SLC9A2: variants seen among roughly 807,000 people sequenced by gnomAD.
SLC9A2 encodes sodium/hydrogen exchanger 2.
SLC9A2 carries 42 observed loss-of-function variants against 71.7 expected under a neutral mutation model. That is an observed-to-expected ratio of 0.59 (90% confidence interval 0.46 to 0.76). SLC9A2 has a LOEUF of 0.76. Among genes scored for constraint, SLC9A2 ranks in the 30% least tolerant of loss-of-function variants. SLC9A2 has a pLI of 0.00. For missense variants in SLC9A2, 829 were observed against 1,017.4 expected (o/e 0.81, Z 2.52); for synonymous variants, 396 against 392.5 (o/e 1.01, Z -0.10).
At chr2:102,674,327 T>C (rs912541209) in intron 3 of SLC9A2, among the ~76,000 whole-genome samples, 4 of 152,120 alleles carry the variant, frequency 2.6e-5, no homozygotes, top group African/African-American at 7.2e-5. Flanking sequence ...TGAACAAACC[T>C]CAGTTTACTT....
At chr2:102,700,693 CAGA>C (rs1223267918) in intron 7 of SLC9A2, among the ~76,000 whole-genome samples, 1 of 151,940 alleles carries the variant, frequency 6.6e-6, no homozygotes, top group Non-Finnish European at 1.5e-5. Context: ...TCGCTAAAAG[CAGA>C]AGTAGAGAAA....
At chr2:102,661,710 A>G (rs1355751986) in intron 2 of SLC9A2, among the ~76,000 whole-genome samples, 2 of 152,204 alleles carry the variant, frequency 1.3e-5, no homozygotes, top group African/African-American at 2.4e-5. Context: ...GATTATTTGA[A>G]AGATTTCAAA....
At chr2:102,655,372 T>G (rs963835582) in intron 1 of SLC9A2, among the ~76,000 whole-genome samples, 2 of 152,180 alleles carry the variant, frequency 1.3e-5, no homozygotes, top group African/African-American at 4.8e-5. Context: ...CAAGCTGGTC[T>G]CAAACTTCTG....
chr2:102,644,089 A>G (rs1676665621), intron 1 of SLC9A2, among the ~76,000 whole-genome samples: 1 of 152,024 alleles, frequency 6.6e-6, no homozygotes, highest in African/African-American at 2.4e-5. Flanking sequence ...AGCAAGTCCA[A>G]TGCAGAAGGC....
chr2:102,665,078 G>A (rs777257471), intron 2 of SLC9A2, 22 bp from the exon 3 acceptor site: 44 of 1,592,088 alleles, frequency 2.8e-5, no homozygotes, highest in Admixed American at 5.3e-5. Flanking sequence ...GTCTTGACAA[G>A]GTGTTTTTTT....
At chr2:102,659,440 C>CAATAAT (rs760045785) in intron 2 of SLC9A2, among the ~76,000 whole-genome samples, 3 of 151,588 alleles carry the variant, frequency 2.0e-5, no homozygotes, top group South Asian at 2.1e-4. Context: ...GACTCCATCT[C>CAATAAT]AATAATAATA....
intron 5 of SLC9A2, among the ~76,000 whole-genome samples, chr2:102,689,989 C>A (rs188028278): frequency 2.0e-4 from 30 of 152,010 alleles, no homozygotes; most frequent in African/African-American, 7.0e-4. Flanking sequence ...GGGGAGAAGC[C>A]AGAGTGGGAG....
In SLC9A2 at chr2:102,708,444, G is replaced by C. The variant is rs1216068801; in HGVS notation, c.2394G>C (p.Ser798=). The part of the protein sequence containing the change: ...KPPPRLVWRA[S]EPGSRKARFG... The stretch of plus-strand genomic sequence containing the variant: ...CACCACGGCTGGTCTGGAGGGCATC[G>C]GAACCTGGAAGCCGGAAAGCCCGAT... Residue 798 remains serine (S), a synonymous_variant, in exon 12 of 12, where the codon TCG becomes TCC. Transcript: ENST00000233969. 3 of 1,614,134 alleles carry C rather than the reference G, an allele frequency of 1.9e-6. No individual in the cohort carries two copies. Among genetic ancestry groups the C allele is most frequent in the African/African-American group, 1.3e-5 (1 of 75,038 alleles).
chr2:102,653,818 G>A (rs1442263760), intron 1 of SLC9A2, among the ~76,000 whole-genome samples: 1 of 152,192 alleles, frequency 6.6e-6, no homozygotes, highest in Non-Finnish European at 1.5e-5. Flanking sequence ...TATGGCTTCT[G>A]TGCATTTCTT....
At chr2:102,698,086 C>T (rs1301768949) in intron 7 of SLC9A2, among the ~76,000 whole-genome samples, 3 of 152,172 alleles carry the variant, frequency 2.0e-5, no homozygotes, top group Non-Finnish European at 4.4e-5. Context: ...CTTCCTTTTA[C>T]TCTCTCTAGT....
intron 5 of SLC9A2, among the ~76,000 whole-genome samples, chr2:102,690,213 C>T (rs1015997790): frequency 1.3e-5 from 2 of 152,236 alleles, no homozygotes; most frequent in East Asian, 1.9e-4. Flanking sequence ...GAAGGGGTTA[C>T]ACAGGAAGGA....
rs1236634548 is a variant in SLC9A2 at position 102,711,305 on chromosome 2, T to G, written c.*2816T>G. On this transcript the variant is annotated 3_prime_UTR_variant, in exon 12 of 12. Transcript: ENST00000233969. ...TTAAAAACGTGATTAAAGAGATCAC[T>G]TTGTCCGGATGAAGCAGCTGTTGGC... 6.6e-6 allele frequency: 1 copy of G among 152,358 alleles called. No individual in the cohort carries two copies. Among genetic ancestry groups the G allele is most frequent in the Admixed American group, 6.5e-5 (1 of 15,280 alleles). The allele number at this position is 152,358 out of a possible 1,614,324, so 9.4% of individuals were successfully genotyped here.
intron 1 of SLC9A2, among the ~76,000 whole-genome samples, chr2:102,654,195 C>CTTTTTTTTTTT (rs34248413): frequency 2.2e-5 from 2 of 89,528 alleles, no homozygotes; most frequent in African/African-American, 9.4e-5. Flanking sequence ...TTGGCTGACT[C>CTTTTTTTTTTT]TTTTTTTTTT....
At chr2:102,689,583 C>T (rs1677620826) in intron 5 of SLC9A2, 1 of 152,172 alleles carries the variant, frequency 6.6e-6, no homozygotes, top group African/African-American at 2.4e-5. Context: ...TTAAAAAGGA[C>T]ACCATCTTTA....
chr2:102,690,875 C>G (rs1298145253), intron 5 of SLC9A2, among the ~76,000 whole-genome samples: 3 of 149,922 alleles, frequency 2.0e-5, no homozygotes, highest in African/African-American at 7.4e-5. Flanking sequence ...ACCTGATAAT[C>G]AGCAAGGAAA....
chr2:102,675,861 C>A lies in SLC9A2; in HGVS notation c.1005-7400C>A, dbSNP rs145171842. On this transcript the variant is annotated intron_variant, in intron 3 of 11. Transcript: ENST00000233969. The stretch of plus-strand genomic sequence containing the variant: ...TTTTCTCATTTCTCCTTCCTCTTTG[C>A]AAGCCTCTGCCTATACTCCCATTTC... Among the ~76,000 whole-genome samples, 631 of 152,320 alleles carry A rather than the reference C, an allele frequency of 4.1e-3. 8 individuals carry two copies. The highest frequency in any genetic ancestry group is 0.015 in the African/African-American group (608 of 41,564).
At chr2:102,687,979 T>C (rs6754960) in intron 5 of SLC9A2, among the ~76,000 whole-genome samples, 124,364 of 151,906 alleles carry the variant, frequency 0.82, 51,158 homozygotes, top group East Asian at 0.94. Flanking sequence ...GCGGTTTCGC[T>C]GTGTTCGCCA....
chr2:102,662,230 C>A (rs1471289711), intron 2 of SLC9A2, among the ~76,000 whole-genome samples: 1 of 152,138 alleles, frequency 6.6e-6, no homozygotes, highest in Non-Finnish European at 1.5e-5. Flanking sequence ...ACTGGCTGTA[C>A]CTTTGATAGA....
At chr2:102,695,795 A>ATG (rs1558723269) in intron 7 of SLC9A2, among the ~76,000 whole-genome samples, 1 of 108,838 alleles carries the variant, frequency 9.2e-6, no homozygotes, top group African/African-American at 3.2e-5. Context: ...TATATTATAT[A>ATG]TATATTATAT....
Sources: gnomAD v4.1 joint callset for allele counts (sites outside exome capture counted in the v4.1 genomes callset) on GRCh38, gnomAD v4.1.1 for gene constraint, MANE v1.5 for transcripts, NCBI Gene and HGNC (gene_info 2026-07-23, HGNC 2026-07-21) for gene names.